Variants in SUN3 observed in about 807,000 individuals in gnomAD.
SUN3 encodes Sad1 and UNC84 domain containing 3.
Under a neutral mutation model 48.2 loss-of-function variants are expected in SUN3, and 36 were observed. The ratio of observed to expected loss-of-function variants is 0.75; its 90% CI spans 0.57 to 0.99. The LOEUF is 0.99. SUN3 is among the 50% of genes least tolerant of loss of function. The probability of loss-of-function intolerance (pLI) is 0.00; values close to 1 mark genes in which losing one functional copy is unlikely to be tolerated. For synonymous variants in SUN3, 148 were observed against 147.9 expected (o/e 1.00, Z 0.00); for missense variants, 419 against 433.1 (o/e 0.97, Z 0.29).
chr7:48,009,171 A>G, intron 3 of SUN3, 96 bp from the exon 4 acceptor site: 1 of 1,211,712 alleles, frequency 8.3e-7, no homozygotes, highest in Non-Finnish European at 1.2e-6. Context: ...TAGCACATTG[A>G]CTCCTGATAT....
upstream of SUN3, among the ~76,000 whole-genome samples, chr7:48,033,124 A>G (rs1441654630): frequency 2.6e-5 from 4 of 152,252 alleles, no homozygotes; most frequent in African/African-American, 7.2e-5. Context: ...TGATTATGTC[A>G]TAAAGTATAG....
chr7:48,028,825 ATCAGGATTTTCGTCC>A lies in SUN3; in HGVS notation c.99_113del (p.Glu33_Pro37del). The A allele has an allele frequency of 6.2e-7, 1 of 1,613,844 alleles. No individual in the cohort carries two copies. The highest frequency in any genetic ancestry group is 8.5e-7 in the Non-Finnish European group (1 of 1,179,794). Reference sequence around the variant, plus strand: ...CTGCCATGTTTACCTACCCATTCGCATCAGGATTTTCGTCCTCTGATAACAAAGCATTGCCACTGG... The same window carrying A: ...CTGCCATGTTTACCTACCCATTCGCATCTGATAACAAAGCATTGCCACTGG... On this transcript the variant is annotated inframe_deletion, in exon 1 of 10. Transcript: ENST00000297325.
intron 2 of SUN3, among the ~76,000 whole-genome samples, chr7:48,020,444 T>G (rs1583778799): frequency 6.6e-6 from 1 of 152,166 alleles, no homozygotes; most frequent in East Asian, 1.9e-4. Context: ...CTATTCAACA[T>G]AGTACTGGAA....
At chr7:48,020,315 C>G (rs758152887) in intron 2 of SUN3, among the ~76,000 whole-genome samples, 1 of 152,008 alleles carries the variant, frequency 6.6e-6, no homozygotes, top group Admixed American at 6.6e-5. Context: ...CATACCTCAA[C>G]GTAATAAAAG....
At chr7:47,998,651 AT>A (rs1026961380) in intron 6 of SUN3, among the ~76,000 whole-genome samples, 9 of 150,876 alleles carry the variant, frequency 6.0e-5, no homozygotes, top group Admixed American at 4.0e-4. Context: ...AATTTCGCTT[AT>A]TTTTTTTTCT....
intron 2 of SUN3, among the ~76,000 whole-genome samples, chr7:48,021,313 G>A (rs77787878): frequency 0.029 from 4,416 of 152,084 alleles, 211 homozygotes; most frequent in African/African-American, 0.1. Context: ...ACAACTATAA[G>A]AAAACATTGG....
In SUN3 at chr7:47,996,113, CT is replaced by C. The variant is rs779620368; in HGVS notation, c.610del (p.Ser204ValfsTer14). ...CAATTTTGCTTTATTATTTTTATAA[CT>C]TTCTGAGGTCCCAGCTTCAATGATG... ...ASIIEAGTSE[S>X]YKNNKAKLYW... On this transcript the variant is annotated frameshift_variant, in exon 7 of 10. Transcript: ENST00000297325. LOFTEE classifies it high-confidence loss of function. The C allele has an allele frequency of 1.3e-6, 2 of 1,593,282 alleles. No individual in the cohort carries two copies. The highest frequency in any genetic ancestry group is 1.7e-6 in the Non-Finnish European group (2 of 1,173,268).
At chr7:48,029,881 G>GT (rs531238955), upstream of SUN3, among the ~76,000 whole-genome samples, 598 of 151,692 alleles carry the variant, frequency 3.9e-3, 3 homozygotes, top group Middle Eastern at 0.01. Context: ...TCATTTCTCT[G>GT]TTTTTTTTGG....
In SUN3 at chr7:48,007,341, A is replaced by T; in HGVS notation, c.330-14T>A. The T allele has an allele frequency of 6.2e-7, 1 of 1,610,810 alleles. No homozygotes were observed. The highest frequency in any genetic ancestry group is 8.5e-7 in the Non-Finnish European group (1 of 1,178,112). On this transcript the variant is annotated splice_polypyrimidine_tract_variant and intron_variant, in intron 4 of 9. Transcript: ENST00000297325. The stretch of plus-strand genomic sequence containing the variant: ...TGGCTTTCCTTCCTGTAAAGGGAAA[A>T]TCTCAGCATGAGAGGAAGAAAGTGT...
chr7:48,027,404 A>G (rs1790164110), intron 1 of SUN3, among the ~76,000 whole-genome samples: 1 of 152,146 alleles, frequency 6.6e-6, no homozygotes, highest in Admixed American at 6.5e-5. Context: ...GGATACATGC[A>G]TAATCCGTTG....
chr7:48,015,986 G>C (rs1237422728), intron 3 of SUN3, among the ~76,000 whole-genome samples: 1 of 152,144 alleles, frequency 6.6e-6, no homozygotes, highest in Non-Finnish European at 1.5e-5. Context: ...AGAAATTACA[G>C]TTTAGGGGTC....
Position 47,987,323 on chromosome 7 carries a change from A to G in SUN3, c.*7T>C, listed in dbSNP as rs760812170. 6.2e-7 allele frequency: 1 copy of G among 1,609,614 alleles called. No homozygotes were observed. The highest frequency in any genetic ancestry group is 8.5e-7 in the Non-Finnish European group (1 of 1,177,628). On this transcript the variant is annotated 3_prime_UTR_variant, in exon 10 of 10. Coordinates refer to ENST00000297325, the MANE Select transcript of SUN3 (RefSeq NM_001030019.2). ...GACATGTGGCATGGCCTTCTGTACCAACTCTTCTAGATGTGCTTGCCTGGT... is the reference window on the plus strand; with the variant it reads ...GACATGTGGCATGGCCTTCTGTACCGACTCTTCTAGATGTGCTTGCCTGGT...
rs957312862 is a variant in SUN3 at position 48,024,297 on chromosome 7, A to T, written c.184+1580T>A. Reference sequence around the variant, plus strand: ...AAGGATTTGGTATCTAGAATATATTAAAAAACTCTTCCAACTCAACAACAA... The same window carrying T: ...AAGGATTTGGTATCTAGAATATATTTAAAAACTCTTCCAACTCAACAACAA... On this transcript the variant is annotated intron_variant, in intron 2 of 9. Transcript: ENST00000297325. 2.6e-5 allele frequency among the ~76,000 whole-genome samples: 4 copies of T among 152,190 alleles called. 1 individual carries two copies. The highest frequency in any genetic ancestry group is 4.8e-5 in the African/African-American group (2 of 41,456).
chr7:48,026,221 AT>A (rs1419238188), intron 1 of SUN3, among the ~76,000 whole-genome samples: 1 of 152,084 alleles, frequency 6.6e-6, no homozygotes, highest in Non-Finnish European at 1.5e-5. Context: ...ATGTCTATTT[AT>A]ATTCTTAAAA....
At chr7:48,007,130 C>A in intron 5 of SUN3, 35 bp downstream of exon 5, 3 of 1,584,142 alleles carry the variant, frequency 1.9e-6, no homozygotes, top group Non-Finnish European at 2.6e-6. Context: ...AACCACCACC[C>A]CACCCTGCCC....
At chr7:47,987,688 C>T (rs951251186) in intron 9 of SUN3, among the ~76,000 whole-genome samples, 1 of 152,058 alleles carries the variant, frequency 6.6e-6, no homozygotes, top group Non-Finnish European at 1.5e-5. Context: ...CACACGCCAC[C>T]GCACCTAGCT....
chr7:48,022,459 G>A (rs751803846), intron 2 of SUN3, among the ~76,000 whole-genome samples: 1 of 152,046 alleles, frequency 6.6e-6, no homozygotes, highest in Admixed American at 6.5e-5. Flanking sequence ...TGCTTGAGGG[G>A]ATGGATACCC....
At chr7:48,012,956 A>T (rs1467539476) in intron 3 of SUN3, among the ~76,000 whole-genome samples, 1 of 152,216 alleles carries the variant, frequency 6.6e-6, no homozygotes, top group African/African-American at 2.4e-5. Flanking sequence ...CATAGAATGC[A>T]CATGCCTTGA....
intron 1 of SUN3, 82 bp downstream of exon 1, chr7:48,028,735 T>A: frequency 6.5e-7 from 1 of 1,542,648 alleles, no homozygotes; most frequent in Non-Finnish European, 8.8e-7. Flanking sequence ...GGGTAACAGG[T>A]AACAGATGAA....
Sources: allele counts gnomAD v4.1 joint callset (sites outside exome capture counted in the v4.1 genomes callset), GRCh38; gene constraint gnomAD v4.1.1; transcripts MANE v1.5; gene names NCBI Gene and HGNC (gene_info 2026-07-23, HGNC 2026-07-21).